ASTN2: variants seen among roughly 807,000 people sequenced by gnomAD.
ASTN2 encodes astrotactin-2.
Under a neutral mutation model 139.8 loss-of-function variants are expected in ASTN2, and 54 were observed. That is an observed-to-expected ratio of 0.39 (90% confidence interval 0.31 to 0.48). The LOEUF is 0.48. Ranked by LOEUF, ASTN2 falls within the 20% of genes least tolerant of loss-of-function variation. ASTN2 has a pLI of 0.95. For synonymous variants in ASTN2, 756 were observed against 719.5 expected, an observed-to-expected ratio of 1.05 and a Z score of -0.81; for missense variants, 1,565 against 1,725.1, an observed-to-expected ratio of 0.91 and a Z score of 1.64.
intron 1 of ASTN2, among the ~76,000 whole-genome samples, chr9:117,392,810 G>C (rs773639891): frequency 7.9e-5 from 12 of 152,218 alleles, no homozygotes; most frequent in Non-Finnish European, 1.3e-4. Flanking sequence ...GTGATGAATA[G>C]TGCAAGAGCA....
chr9:116,881,137 G>C (rs72754102), intron 10 of ASTN2, among the ~76,000 whole-genome samples: 2 of 152,188 alleles, frequency 1.3e-5, no homozygotes, highest in African/African-American at 4.8e-5. Context: ...GGAAGAGGAG[G>C]AGGAGGAAGG....
Position 117,016,624 on chromosome 9 carries a change from CTATATATATATATATA to C in ASTN2, c.1424-8381_1424-8366del, listed in dbSNP as rs1175306157. Among the ~76,000 whole-genome samples, 11 of 20,000 alleles carry C rather than the reference CTATATATATATATATA, an allele frequency of 5.5e-4. 3 individuals carry two copies. Among genetic ancestry groups the C allele is most frequent in the African/African-American group, 2.3e-3 (10 of 4,432 alleles). The allele number at this position is 20,000 out of a possible 152,430, so 13.1% of individuals were successfully genotyped here. A position where few individuals can be genotyped will look rare whatever the true frequency, so the allele number is the denominator to read the frequency against. On this transcript the variant is annotated intron_variant, in intron 6 of 22. Transcript: ENST00000313400. ...TATATCTATATCTATATCTATCTAT[CTATATATATATATATA>C]TATATATATATATATAACCTATATA...
chr9:116,941,131 A>T (rs892523410), intron 10 of ASTN2, among the ~76,000 whole-genome samples: 3 of 151,912 alleles, frequency 2.0e-5, no homozygotes, highest in Non-Finnish European at 2.9e-5. Context: ...CTCAGAACAA[A>T]TCCCTTTCGC....
chr9:116,428,152 G>T (rs1847367777), intron 22 of ASTN2, among the ~76,000 whole-genome samples: 1 of 152,244 alleles, frequency 6.6e-6, no homozygotes, highest in African/African-American at 2.4e-5. Flanking sequence ...GTAGGATCAA[G>T]GATGTCCAAG....
chr9:116,735,794 G>A (rs1260872197), intron 13 of ASTN2, among the ~76,000 whole-genome samples: 1 of 152,220 alleles, frequency 6.6e-6, no homozygotes, highest in African/African-American at 2.4e-5. Context: ...AAGAGCCTAT[G>A]AGGACTGGGC....
At chr9:116,892,607 A>G (rs1439296353) in intron 10 of ASTN2, among the ~76,000 whole-genome samples, 1 of 152,044 alleles carries the variant, frequency 6.6e-6, no homozygotes, top group Admixed American at 6.6e-5. Flanking sequence ...TTTTCATTAT[A>G]AAAGTAATAC....
At position 116,982,643 on chromosome 9, in the gene ASTN2, G is replaced by A. The variant is rs181319388; in HGVS notation, c.1592-5858C>T. Among the ~76,000 whole-genome samples, 120 of 152,020 alleles carry A rather than the reference G, an allele frequency of 7.9e-4. 1 individual carries two copies. The highest frequency in any genetic ancestry group is 2.7e-3 in the African/African-American group (113 of 41,480). Reference sequence around the variant, plus strand: ...TTCAGTGGTGCAATCATGGCTCACCGCAGCCTTGAGCTTTTGGGCTCAAGA... The same window carrying A: ...TTCAGTGGTGCAATCATGGCTCACCACAGCCTTGAGCTTTTGGGCTCAAGA... On this transcript the variant is annotated intron_variant, in intron 7 of 22. Coordinates refer to ENST00000313400, the MANE Select transcript of ASTN2 (RefSeq NM_001365068.1).
rs149900832 is a variant in ASTN2, at chr9:117,053,401, A to G, written c.1277-13436T>C. Among the ~76,000 whole-genome samples, 197 of 152,226 alleles carry G rather than the reference A, an allele frequency of 1.3e-3. 1 individual carries two copies. In the East Asian group the frequency reaches 0.028, roughly 22 times the overall value. ...CAGGAGTTTGAGGCTGCAGTACGCTATGATCGTGCCACTGTACTCCAGCCT... is the reference window on the plus strand; with the variant it reads ...CAGGAGTTTGAGGCTGCAGTACGCTGTGATCGTGCCACTGTACTCCAGCCT... On this transcript the variant is annotated intron_variant, in intron 5 of 22. Coordinates refer to ENST00000313400, the MANE Select transcript of ASTN2 (RefSeq NM_001365068.1).
At chr9:116,832,940 T>TTTTATTTATTTATTTACTTA in intron 11 of ASTN2, among the ~76,000 whole-genome samples, 1 of 149,924 alleles carries the variant, frequency 6.7e-6, no homozygotes, top group Admixed American at 6.7e-5. Context: ...TTTTGTTTTG[T>TTTTATTTATTTATTTACTTA]TTTATTTATT....
At chr9:116,768,841 C>T (rs1398430073) in intron 13 of ASTN2, among the ~76,000 whole-genome samples, 2 of 152,084 alleles carry the variant, frequency 1.3e-5, no homozygotes, top group East Asian at 1.9e-4. Context: ...ATAGATTATC[C>T]AGTTTATGAT....
At chr9:117,382,218 C>A (rs140736686) in intron 1 of ASTN2, among the ~76,000 whole-genome samples, 54 of 152,092 alleles carry the variant, frequency 3.6e-4, no homozygotes, top group Non-Finnish European at 6.6e-4. Flanking sequence ...AAAGCGAGGT[C>A]AAGAGTGGGT....
Position 116,654,899 on chromosome 9 carries a change from A to G in ASTN2, c.2807-3106T>C, listed in dbSNP as rs139696263. 2.1e-3 allele frequency among the ~76,000 whole-genome samples: 325 copies of G among 152,366 alleles called. 1 individual carries two copies. The highest frequency in any genetic ancestry group is 6.4e-3 in the African/African-American group (266 of 41,592). On this transcript the variant is annotated intron_variant, in intron 16 of 22. Transcript: ENST00000313400. Reference sequence around the variant, plus strand: ...TTAAATATATAACTATCCATTTAACAACACAATAATCTATAGATCTTTGCT... The same window carrying G: ...TTAAATATATAACTATCCATTTAACGACACAATAATCTATAGATCTTTGCT...
chr9:116,821,164 C>T, intron 11 of ASTN2, among the ~76,000 whole-genome samples: 1 of 152,230 alleles, frequency 6.6e-6, no homozygotes, highest in East Asian at 1.9e-4. Flanking sequence ...GGGTCTACTG[C>T]TAGAAGGGTC....
intron 5 of ASTN2, among the ~76,000 whole-genome samples, chr9:117,060,392 A>G (rs1368797200): frequency 2.1e-4 from 17 of 81,082 alleles, no homozygotes; most frequent in African/African-American, 1.1e-3. Context: ...GAAAGAAAGA[A>G]AGAAAGAAAG....
At chr9:117,362,703 C>G (rs1829725976) in intron 1 of ASTN2, among the ~76,000 whole-genome samples, 1 of 152,134 alleles carries the variant, frequency 6.6e-6, no homozygotes, top group Non-Finnish European at 1.5e-5. Flanking sequence ...CCACCTCCCT[C>G]TTCACCACCA....
intron 7 of ASTN2, among the ~76,000 whole-genome samples, chr9:117,000,736 C>T (rs1837170196): frequency 6.6e-6 from 1 of 152,134 alleles, no homozygotes; most frequent in African/African-American, 2.4e-5. Context: ...CTTGGTCTTT[C>T]ATTGGTTTGT....
intron 4 of ASTN2, among the ~76,000 whole-genome samples, chr9:117,100,151 T>A (rs1044014452): frequency 6.6e-6 from 1 of 152,218 alleles, no homozygotes; most frequent in Non-Finnish European, 1.5e-5. Flanking sequence ...TCTTTGTGAC[T>A]CTCCCATCTT....
intron 3 of ASTN2, among the ~76,000 whole-genome samples, chr9:117,144,654 A>G (rs1233981989): frequency 1.5e-5 from 2 of 133,164 alleles, no homozygotes; most frequent in Admixed American, 7.6e-5. Context: ...AGAGGAGTGA[A>G]CACTAGTTTT....
At chr9:116,992,382 A>T (rs1836884823) in intron 7 of ASTN2, among the ~76,000 whole-genome samples, 2 of 152,160 alleles carry the variant, frequency 1.3e-5, no homozygotes, top group Admixed American at 1.3e-4. Context: ...ATCTCAGCAG[A>T]GTCTTTAAAG....
Sources: allele counts gnomAD v4.1 joint callset (sites outside exome capture counted in the v4.1 genomes callset), GRCh38; gene constraint gnomAD v4.1.1; transcripts MANE v1.5; gene names NCBI Gene and HGNC (gene_info 2026-07-23, HGNC 2026-07-21).